SLC35F1: variants seen among roughly 807,000 people sequenced by gnomAD.
The protein encoded by SLC35F1 is chromosome 6 open reading frame 169.
A neutral mutation model predicts 48.7 loss-of-function variants in SLC35F1; 14 were observed. The ratio of observed to expected loss-of-function variants is 0.29; its 90% CI spans 0.19 to 0.45. The LOEUF is 0.45. Ranked by LOEUF, SLC35F1 falls within the 20% of genes least tolerant of loss-of-function variation. The pLI, the probability that SLC35F1 is intolerant of heterozygous loss-of-function variation, is 1.00. For missense variants in SLC35F1, 404 were observed against 500.0 expected (o/e 0.81, Z 1.83); for synonymous variants, 190 against 202.2 (o/e 0.94, Z 0.51).
chr6:118,199,478 A>G (rs1198100006), intron 2 of SLC35F1, among the ~76,000 whole-genome samples: 1 of 152,238 alleles, frequency 6.6e-6, no homozygotes, highest in Non-Finnish European at 1.5e-5. Flanking sequence ...AACAATCTCC[A>G]TATCAAAGGA....
intron 6 of SLC35F1, among the ~76,000 whole-genome samples, chr6:118,284,127 G>A (rs115634607): frequency 0.025 from 3,766 of 152,224 alleles, 153 homozygotes; most frequent in African/African-American, 0.085. Context: ...ATGAATCCCT[G>A]GTCTTCATAG....
chr6:118,100,764 C>T (rs764532957), intron 1 of SLC35F1, among the ~76,000 whole-genome samples: 1 of 152,174 alleles, frequency 6.6e-6, no homozygotes, highest in Non-Finnish European at 1.5e-5. Flanking sequence ...GCAATGAACT[C>T]ACTCTCCAGC....
At chr6:118,009,924 G>A (rs1046669268) in intron 1 of SLC35F1, among the ~76,000 whole-genome samples, 4 of 152,002 alleles carry the variant, frequency 2.6e-5, no homozygotes, top group African/African-American at 4.8e-5. Flanking sequence ...AAGAAGTTTC[G>A]TTGTTAGCTT....
intron 2 of SLC35F1, among the ~76,000 whole-genome samples, chr6:118,178,071 A>G (rs56693815): frequency 0.032 from 4,895 of 152,156 alleles, 242 homozygotes; most frequent in African/African-American, 0.11. Context: ...TTGCAGCTCA[A>G]GTATCTCCCA....
intron 1 of SLC35F1, among the ~76,000 whole-genome samples, chr6:118,007,720 G>A (rs1315439176): frequency 1.3e-5 from 2 of 152,080 alleles, no homozygotes; most frequent in African/African-American, 4.8e-5. Flanking sequence ...TCACATTTCT[G>A]TGGGTCAGGA....
intron 2 of SLC35F1, among the ~76,000 whole-genome samples, chr6:118,161,764 T>C (rs1774237903): frequency 2.6e-5 from 4 of 152,244 alleles, no homozygotes; most frequent in Admixed American, 2.6e-4. Context: ...ATTATGCTTA[T>C]GTTGTCTAGG....
chr6:117,928,664 A>G (rs1776060121), intron 1 of SLC35F1, among the ~76,000 whole-genome samples: 1 of 152,192 alleles, frequency 6.6e-6, no homozygotes, highest in South Asian at 2.1e-4. Flanking sequence ...CTCTATGTTC[A>G]TACAGTGCAC....
At chr6:118,214,843 T>C (rs1359291962) in intron 2 of SLC35F1, among the ~76,000 whole-genome samples, 1 of 152,206 alleles carries the variant, frequency 6.6e-6, no homozygotes, top group African/African-American at 2.4e-5. Flanking sequence ...TGGTAGGCCA[T>C]GAGTGCTTAA....
chr6:118,150,387 A>G (rs1386013567), intron 1 of SLC35F1, among the ~76,000 whole-genome samples: 1 of 152,196 alleles, frequency 6.6e-6, no homozygotes, highest in Non-Finnish European at 1.5e-5. Context: ...TGTGACATAT[A>G]GAATGCTATT....
At chr6:118,239,435 G>A (rs760408450) in intron 3 of SLC35F1, among the ~76,000 whole-genome samples, 3 of 151,740 alleles carry the variant, frequency 2.0e-5, no homozygotes, top group Non-Finnish European at 2.9e-5. Flanking sequence ...GAGTCAAAAT[G>A]TATTAATGGA....
At chr6:117,948,191 G>A (rs1285293814) in intron 1 of SLC35F1, among the ~76,000 whole-genome samples, 1 of 152,182 alleles carries the variant, frequency 6.6e-6, no homozygotes, top group Non-Finnish European at 1.5e-5. Flanking sequence ...TCTTAACTGT[G>A]TTAAGTAGCA....
intron 1 of SLC35F1, among the ~76,000 whole-genome samples, chr6:118,016,071 G>A (rs1454699608): frequency 6.6e-6 from 1 of 152,084 alleles, no homozygotes; most frequent in African/African-American, 2.4e-5. Context: ...CCTGCTTTTT[G>A]ACATAACACA....
chr6:118,056,151 A>T (rs1051557355), intron 1 of SLC35F1, among the ~76,000 whole-genome samples: 1 of 152,176 alleles, frequency 6.6e-6, no homozygotes, highest in African/African-American at 2.4e-5. Flanking sequence ...ATCAGAAGTC[A>T]TTATTTTTTC....
chr6:118,282,701 C>T lies in SLC35F1; in HGVS notation c.848-2483C>T, dbSNP rs968141850. Among the ~76,000 whole-genome samples, 5 of 152,188 alleles carry T rather than the reference C, an allele frequency of 3.3e-5. No homozygotes were observed. In the East Asian group the frequency reaches 5.8e-4, roughly 18 times the overall value. On this transcript the variant is annotated intron_variant, in intron 6 of 7. Transcript: ENST00000360388. ...TAGCTCCCTCCATCTCAGTATATGG[C>T]GTCACAGTTCACCTAGTTTCTAAAT...
chr6:118,296,085 G>C (rs1776181025), intron 7 of SLC35F1, among the ~76,000 whole-genome samples: 1 of 152,130 alleles, frequency 6.6e-6, no homozygotes, highest in Admixed American at 6.6e-5. Context: ...CCATCCTCTA[G>C]TGCAGGAGTC....
At position 118,039,878 on chromosome 6, in the gene SLC35F1, G is replaced by C. The variant is rs1466448819; in HGVS notation, c.174-114567G>C. On this transcript the variant is annotated intron_variant, in intron 1 of 7. Coordinates refer to ENST00000360388, the MANE Select transcript of SLC35F1 (RefSeq NM_001029858.4). Reference sequence around the variant, plus strand: ...TGTATGTGTATGCTGGACACTAAATGTTATGTTATATAGACTTTGGGTTCT... The same window carrying C: ...TGTATGTGTATGCTGGACACTAAATCTTATGTTATATAGACTTTGGGTTCT... 6.7e-5 allele frequency among the ~76,000 whole-genome samples: 9 copies of C among 134,256 alleles called. No individual in the cohort carries two copies. In the Admixed American group the frequency reaches 7.7e-4, roughly 12 times the overall value. 88.1% of individuals were successfully genotyped at this position (134,256 alleles called of 152,430 possible). A position where few individuals can be genotyped will look rare whatever the true frequency, so the allele number is the denominator to read the frequency against.
At chr6:118,134,178 G>A (rs1239965377) in intron 1 of SLC35F1, among the ~76,000 whole-genome samples, 1 of 152,216 alleles carries the variant, frequency 6.6e-6, no homozygotes, top group East Asian at 1.9e-4. Flanking sequence ...GTGCAGGGAA[G>A]GCCTTGATAC....
chr6:118,037,871 G>A (rs1053705733), intron 1 of SLC35F1, among the ~76,000 whole-genome samples: 6 of 151,986 alleles, frequency 3.9e-5, no homozygotes, highest in Admixed American at 3.9e-4. Flanking sequence ...GCCTGTTGGG[G>A]GGTGGGGGGC....
intron 3 of SLC35F1, among the ~76,000 whole-genome samples, chr6:118,253,270 A>G (rs1775599372): frequency 6.6e-6 from 1 of 152,122 alleles, no homozygotes; most frequent in African/African-American, 2.4e-5. Context: ...GAGGGATGGA[A>G]TGAAGGGCAG....
Sources: gnomAD v4.1 joint callset for allele counts (sites outside exome capture counted in the v4.1 genomes callset) on GRCh38, gnomAD v4.1.1 for gene constraint, MANE v1.5 for transcripts, NCBI Gene and HGNC (gene_info 2026-07-23, HGNC 2026-07-21) for gene names.